Variants in MYO3B observed in about 807,000 individuals in gnomAD.
The protein encoded by MYO3B is myosin-IIIb.
A neutral mutation model predicts 174.6 loss-of-function variants in MYO3B; 156 were observed. That is an observed-to-expected ratio of 0.89 (90% confidence interval 0.78 to 1.02). The LOEUF (loss-of-function observed/expected upper bound fraction) is 1.02. Ranked by LOEUF, MYO3B falls within the 50% of genes least tolerant of loss-of-function variation. MYO3B has a pLI of 0.00. For synonymous variants in MYO3B, 563 were observed against 569.1 expected (o/e 0.99, Z 0.15); for missense variants, 1,632 against 1,639.4 (o/e 1.00, Z 0.08).
At chr2:170,465,169 A>G (rs2118676) in intron 24 of MYO3B, among the ~76,000 whole-genome samples, 119,079 of 151,926 alleles carry the variant, frequency 0.78, 51,470 homozygotes, top group Non-Finnish European at 0.98. Context: ...CACTGTGCCC[A>G]GCCAAGACTG....
chr2:170,337,250 C>T (rs958774081), intron 8 of MYO3B, among the ~76,000 whole-genome samples: 8 of 152,006 alleles, frequency 5.3e-5, no homozygotes, highest in African/African-American at 1.4e-4. Context: ...CAGACCACCC[C>T]AAGGAAACAA....
chr2:170,504,278 A>T (rs763942909), intron 28 of MYO3B, among the ~76,000 whole-genome samples: 8 of 152,096 alleles, frequency 5.3e-5, no homozygotes, highest in Non-Finnish European at 1.0e-4. Flanking sequence ...TGTGGAATGC[A>T]TTTGTATTTC....
intron 32 of MYO3B, among the ~76,000 whole-genome samples, chr2:170,588,270 C>T (rs897881420): frequency 2.0e-5 from 3 of 149,824 alleles, no homozygotes; most frequent in Non-Finnish European, 4.4e-5. Context: ...CATCTCTATA[C>T]AAAAAAAAGA....
At chr2:170,289,339 G>A (rs1203452334) in intron 7 of MYO3B, among the ~76,000 whole-genome samples, 1 of 152,078 alleles carries the variant, frequency 6.6e-6, no homozygotes, top group African/African-American at 2.4e-5. Flanking sequence ...AAACCATCAG[G>A]TGCTGGACTT....
intron 7 of MYO3B, among the ~76,000 whole-genome samples, chr2:170,273,153 C>T (rs1422604281): frequency 1.3e-5 from 2 of 152,050 alleles, no homozygotes; most frequent in African/African-American, 2.4e-5. Context: ...CTACTCAGCC[C>T]GGAGCCAAGG....
chr2:170,601,203 A>C (rs191267219), intron 32 of MYO3B, among the ~76,000 whole-genome samples: 1 of 152,218 alleles, frequency 6.6e-6, no homozygotes, highest in Non-Finnish European at 1.5e-5. Flanking sequence ...ATGTCAACAA[A>C]ACAGCTGCCA....
At chr2:170,237,523 G>A (rs1299674608) in intron 7 of MYO3B, among the ~76,000 whole-genome samples, 2 of 120,496 alleles carry the variant, frequency 1.7e-5, no homozygotes, top group Non-Finnish European at 3.5e-5. Flanking sequence ...CAAAGAGTGT[G>A]TGTTTTTGGC....
At chr2:170,273,911 CA>C (rs2093443921) in intron 7 of MYO3B, among the ~76,000 whole-genome samples, 1 of 152,102 alleles carries the variant, frequency 6.6e-6, no homozygotes, top group African/African-American at 2.4e-5. Context: ...AGTGGGGGGG[CA>C]CCTGGGGAAG....
rs66837903 is a variant in MYO3B, at chr2:170,473,139, C to CTTT, written c.3014+6447_3014+6449dup. Among the ~76,000 whole-genome samples the CTTT allele has an allele frequency of 2.4e-3, 228 of 96,470 alleles. 3 individuals carry two copies. Among genetic ancestry groups the CTTT allele is most frequent in the Middle Eastern group, 6.9e-3 (1 of 144 alleles). 63.3% of individuals were successfully genotyped at this position (96,470 alleles called of 152,430 possible). A position where few individuals can be genotyped will look rare whatever the true frequency, so the allele number is the denominator to read the frequency against. On this transcript the variant is annotated intron_variant, in intron 25 of 34. Coordinates refer to ENST00000408978, the MANE Select transcript of MYO3B (RefSeq NM_138995.5). ...TTCTTTTTCTTTTTCTTTTTCTTTT[C>CTTT]TTTTTTTTTTTTTTTTTTTTTGAGA...
At chr2:170,544,245 A>T (rs1436671138) in intron 32 of MYO3B, among the ~76,000 whole-genome samples, 1 of 152,252 alleles carries the variant, frequency 6.6e-6, no homozygotes, top group Non-Finnish European at 1.5e-5. Context: ...AAACTGTTCT[A>T]AAATTTCATT....
chr2:170,622,982 T>C (rs1030598293), intron 32 of MYO3B, among the ~76,000 whole-genome samples: 1 of 152,206 alleles, frequency 6.6e-6, no homozygotes, highest in Admixed American at 6.5e-5. Flanking sequence ...TTGTTGGACA[T>C]TTGGGTTGGT....
rs1291305984 is a variant in MYO3B at position 170,601,695 on chromosome 2, A to G, written c.3734-49933A>G. On this transcript the variant is annotated intron_variant, in intron 32 of 34. Coordinates refer to ENST00000408978, the MANE Select transcript of MYO3B (RefSeq NM_138995.5). ...CTTCCTTCTTTTTCTTGCTTTTTTCAGCCTTGACAACTCCCTTTTTTGCTG... is the reference window on the plus strand; with the variant it reads ...CTTCCTTCTTTTTCTTGCTTTTTTCGGCCTTGACAACTCCCTTTTTTGCTG... The G allele has an allele frequency of 7.8e-6, 12 of 1,529,670 alleles. No homozygotes were observed. In the East Asian group the frequency reaches 2.7e-4, roughly 35 times the overall value. The allele number at this position is 1,529,670 out of a possible 1,614,324, so 94.8% of individuals were successfully genotyped here.
At chr2:170,332,853 C>G (rs80150586) in intron 7 of MYO3B, among the ~76,000 whole-genome samples, 1,744 of 152,234 alleles carry the variant, frequency 0.011, 31 homozygotes, top group African/African-American at 0.04. Context: ...GTACATTGTT[C>G]TCTATACTAA....
chr2:170,383,326 A>G (rs930541321), intron 11 of MYO3B, 137 bp downstream of exon 11: 11 of 630,528 alleles, frequency 1.7e-5, no homozygotes, highest in Non-Finnish European at 2.8e-5. Context: ...TAGTAATGTA[A>G]TACAAATGGA....
chr2:170,619,737 C>CTTTATTTTTTTTTTTT, intron 32 of MYO3B, among the ~76,000 whole-genome samples: 1 of 50,778 alleles, frequency 2.0e-5, no homozygotes, highest in Non-Finnish European at 3.4e-5. Flanking sequence ...CTGCCATATT[C>CTTTATTTTTTTTTTTT]TTTTTTTTTT....
intron 14 of MYO3B, among the ~76,000 whole-genome samples, chr2:170,388,054 T>C (rs2094388571): frequency 6.6e-6 from 1 of 151,912 alleles, no homozygotes; most frequent in African/African-American, 2.4e-5. Context: ...ATAATAGCTA[T>C]TATTATAATT....
At chr2:170,448,825 G>A (rs1465219163) in intron 23 of MYO3B, among the ~76,000 whole-genome samples, 2 of 150,940 alleles carry the variant, frequency 1.3e-5, no homozygotes, top group South Asian at 2.1e-4. Context: ...TTTCTCTCAC[G>A]AGTCCCCAGT....
intron 7 of MYO3B, among the ~76,000 whole-genome samples, chr2:170,266,127 A>G (rs73010710): frequency 0.013 from 1,911 of 152,228 alleles, 34 homozygotes; most frequent in African/African-American, 0.042. Flanking sequence ...GGTAAATCCA[A>G]TAATAATTTT....
chr2:170,595,322 G>A (rs917428642), intron 32 of MYO3B, among the ~76,000 whole-genome samples: 4 of 152,150 alleles, frequency 2.6e-5, no homozygotes, highest in Non-Finnish European at 4.4e-5. Flanking sequence ...AAGTTGTCTG[G>A]TGCAGCCTTA....
Sources: allele counts gnomAD v4.1 joint callset (sites outside exome capture counted in the v4.1 genomes callset), GRCh38; gene constraint gnomAD v4.1.1; transcripts MANE v1.5; gene names NCBI Gene and HGNC (gene_info 2026-07-23, HGNC 2026-07-21).